The following AGAP1 variants were observed in gnomAD, a reference collection of about 807,000 sequenced individuals.
AGAP1 encodes the protein arf-GAP with GTPase, ANK repeat and PH domain-containing protein 1.
A neutral mutation model predicts 105.3 loss-of-function variants in AGAP1; 29 were observed. The observed-to-expected ratio is 0.28, with a 90% CI of 0.21 to 0.38. The LOEUF (loss-of-function observed/expected upper bound fraction) is 0.38. AGAP1 is among the 10% of genes least tolerant of loss of function. The probability of loss-of-function intolerance (pLI) is 1.00; values close to 1 mark genes in which losing one functional copy is unlikely to be tolerated. For synonymous variants in AGAP1, 509 were observed against 485.9 expected (o/e 1.05, Z -0.63); for missense variants, 998 against 1,165.1 (o/e 0.86, Z 2.09).
intron 10 of AGAP1, among the ~76,000 whole-genome samples, chr2:235,899,968 T>C (rs1330726239): frequency 6.6e-6 from 1 of 152,242 alleles, no homozygotes; most frequent in Non-Finnish European, 1.5e-5. Flanking sequence ...TTTAGAATTT[T>C]CTGCTTTTTG....
rs576197297 is a variant in AGAP1 at position 235,977,529 on chromosome 2, A to G, written c.1645+8906A>G. Among the ~76,000 whole-genome samples the G allele has an allele frequency of 5.3e-5, 8 of 152,308 alleles. No individual in the cohort carries two copies. The highest frequency in any genetic ancestry group is 8.8e-5 in the Non-Finnish European group (6 of 68,042). ...GGTATGAGAGGTCCGCATCTCATGC[A>G]CGAGGGTGTTTTTCTCGGCCTCTGC... On this transcript the variant is annotated intron_variant, in intron 13 of 17. Transcript: ENST00000304032. This position sits in a 1 kb window ranked among gnomAD's most constrained non-coding sequence, Gnocchi z 5.2.
rs2058553130 is a variant in AGAP1 at position 236,073,254 on chromosome 2, C to CA, written c.2114+23976dup. ...TCGTGAACCACCCGCCTCGGCCTCC[C>CA]AAAGTGCTGGGATTACAGATGTGAG... On this transcript the variant is annotated intron_variant, in intron 16 of 17. Transcript: ENST00000304032. The surrounding 1 kb of genome is among the most constrained non-coding windows in gnomAD (Gnocchi z 5.4). Among the ~76,000 whole-genome samples the CA allele has an allele frequency of 6.6e-6, 1 of 152,184 alleles. No individual in the cohort carries two copies. Among genetic ancestry groups the CA allele is most frequent in the African/African-American group, 2.4e-5 (1 of 41,424 alleles).
chr2:235,538,793 T>C (rs1295780167), intron 1 of AGAP1, among the ~76,000 whole-genome samples: 1 of 152,212 alleles, frequency 6.6e-6, no homozygotes, highest in Non-Finnish European at 1.5e-5. Flanking sequence ...TTTAGTATCC[T>C]GGAGCCAGGC....
At chr2:236,029,441 A>C (rs1420502191) in intron 13 of AGAP1, among the ~76,000 whole-genome samples, 1 of 138,238 alleles carries the variant, frequency 7.2e-6, no homozygotes, top group Non-Finnish European at 1.6e-5. Context: ...ACACCCAGCC[A>C]TTTTTTTTTT....
In AGAP1 at chr2:235,992,376, T is replaced by C. The variant is rs1024612887; in HGVS notation, c.1645+23753T>C. Among the ~76,000 whole-genome samples the C allele has an allele frequency of 6.3e-4, 96 of 152,288 alleles. No homozygotes were observed. Among genetic ancestry groups the C allele is most frequent in the African/African-American group, 2.2e-3 (90 of 41,574 alleles). ...ATCAGGTTGTCTACCTCCAAGACTG[T>C]TGTCAGGATTCACTCAATGAACTCC... is the stretch of plus-strand genomic sequence containing the variant. On this transcript the variant is annotated intron_variant, in intron 13 of 17. Transcript: ENST00000304032. The surrounding 1 kb of genome is among the most constrained non-coding windows in gnomAD (Gnocchi z 4.8).
rs981709412 is a variant in AGAP1 at position 235,577,766 on chromosome 2, C to T, written c.163+82917C>T. 6.6e-6 allele frequency among the ~76,000 whole-genome samples: 1 copy of T among 152,156 alleles called. No individual in the cohort carries two copies. The highest frequency in any genetic ancestry group is 2.4e-5 in the African/African-American group (1 of 41,428). ...ATTCAACACAGGCTTGTCTGCTGGCCTCCCCCGGGAGAGAGAGTAGGTTTG... is the reference window on the plus strand; with the variant it reads ...ATTCAACACAGGCTTGTCTGCTGGCTTCCCCCGGGAGAGAGAGTAGGTTTG... On this transcript the variant is annotated intron_variant, in intron 1 of 17. Transcript: ENST00000304032. The surrounding 1 kb of genome is among the most constrained non-coding windows in gnomAD (Gnocchi z 4.5).
At chr2:235,686,668 T>A (rs1177893990) in intron 1 of AGAP1, among the ~76,000 whole-genome samples, 31 of 113,082 alleles carry the variant, frequency 2.7e-4, no homozygotes, top group African/African-American at 1.2e-3. Flanking sequence ...TATATATATT[T>A]TTTTTTTTTT....
rs1295822413 is a variant in AGAP1, at chr2:236,003,064, A to G, written c.1646-33497A>G. Among the ~76,000 whole-genome samples, 1 of 152,080 alleles carries G rather than the reference A, an allele frequency of 6.6e-6. No homozygotes were observed. Among genetic ancestry groups the G allele is most frequent in the Non-Finnish European group, 1.5e-5 (1 of 68,026 alleles). On this transcript the variant is annotated intron_variant, in intron 13 of 17. Coordinates refer to ENST00000304032, the MANE Select transcript of AGAP1 (RefSeq NM_001037131.3). This position sits in a 1 kb window ranked among gnomAD's most constrained non-coding sequence, Gnocchi z 4.2. ...TCACGTATTCGCCCACTGTGTGCCA[A>G]CAGAGTCTTGATCTATTGCCCAGGC...
In AGAP1 at chr2:236,123,931, G is replaced by C. The variant is rs150374292; in HGVS notation, c.2383G>C (p.Val795Leu). 1.4e-5 allele frequency: 22 copies of C among 1,612,988 alleles called. No homozygotes were observed. The Admixed American group carries it at 3.3e-4, about 24-fold the overall frequency. ...AQLLIWYGVDVTARDAHGNTA... is the reference protein window; with the variant it reads ...AQLLIWYGVDLTARDAHGNTA... ...CTTACCTCCGCAGTACGGAGTGGAC[G>C]TCACGGCCCGAGATGCCCACGGGAA... The change falls in exon 18 of 18, where the codon GTC (valine) becomes CTC (leucine). Residue 795 changes from valine (V) to leucine (L), a missense_variant. Physicochemically the swap from Val to Leu is conservative, Grantham distance 32. Transcript: ENST00000304032. This position sits in a 1 kb window ranked among gnomAD's most constrained non-coding sequence, Gnocchi z 4.6.
intron 16 of AGAP1, among the ~76,000 whole-genome samples, chr2:236,103,373 G>T (rs1046625005): frequency 1.3e-5 from 2 of 152,084 alleles, no homozygotes; most frequent in African/African-American, 4.8e-5. Flanking sequence ...GGGGCAGCTG[G>T]GCTGGCTGGT....
rs1324607429 is a variant in AGAP1, at chr2:236,082,403, G to A, written c.2114+33122G>A. On this transcript the variant is annotated intron_variant, in intron 16 of 17. Transcript: ENST00000304032. The surrounding 1 kb of genome is among the most constrained non-coding windows in gnomAD (Gnocchi z 4.2). ...ACCAGCAGGGTCATTAATTAGGCATGTGGTGGGAGCTCACCCACCAGGTCC... is the reference window on the plus strand; with the variant it reads ...ACCAGCAGGGTCATTAATTAGGCATATGGTGGGAGCTCACCCACCAGGTCC... Among the ~76,000 whole-genome samples, 1 of 152,220 alleles carries A rather than the reference G, an allele frequency of 6.6e-6. No homozygotes were observed. The highest frequency in any genetic ancestry group is 1.5e-5 in the Non-Finnish European group (1 of 68,046).
In AGAP1 at chr2:236,082,435, G is replaced by T. The variant is rs191538081; in HGVS notation, c.2114+33154G>T. The stretch of plus-strand genomic sequence containing the variant: ...GAGCTCACCCACCAGGTCCTGCTAC[G>T]GGGCCGCTGCCCATTTGATCTCTCA... On this transcript the variant is annotated intron_variant, in intron 16 of 17. Coordinates refer to ENST00000304032, the MANE Select transcript of AGAP1 (RefSeq NM_001037131.3). This position sits in a 1 kb window ranked among gnomAD's most constrained non-coding sequence, Gnocchi z 4.2. 2.6e-5 allele frequency among the ~76,000 whole-genome samples: 4 copies of T among 152,306 alleles called. No homozygotes were observed. The Middle Eastern group carries it at 0.01, about 389-fold the overall frequency.
chr2:236,049,217 C>T lies in AGAP1; in HGVS notation c.2050C>T (p.Leu684=), dbSNP rs1171907259. 1.9e-6 allele frequency: 3 copies of T among 1,614,228 alleles called. No individual in the cohort carries two copies. The highest frequency in any genetic ancestry group is 1.6e-4 in the Middle Eastern group (1 of 6,062). ...IKVMSSIGNE[L]ANSVWEESSQ... ...GGTGATGTCATCCATCGGGAACGAG[C>T]TAGCCAACAGCGTCTGGGAAGAGAG... The change falls in exon 16 of 18, where the codon CTA becomes TTA. Residue 684 remains leucine (L), a synonymous_variant. Coordinates refer to ENST00000304032, the MANE Select transcript of AGAP1 (RefSeq NM_001037131.3).
At chr2:235,871,069 T>A (rs1191671924) in intron 9 of AGAP1, among the ~76,000 whole-genome samples, 1 of 152,158 alleles carries the variant, frequency 6.6e-6, no homozygotes, top group Non-Finnish European at 1.5e-5. Context: ...CTTAAAATAT[T>A]TGAGTTCTCA....
rs1334757335 is a variant in AGAP1, at chr2:235,866,822, CTG to C, written c.1051-16519_1051-16518del. Reference sequence around the variant, plus strand: ...TCACGTGGTCTTTCTCCGTGAGTGTCTGTGTCCTGATCTTTTCTAATAAGGAC... The same window carrying C: ...TCACGTGGTCTTTCTCCGTGAGTGTCTGTCCTGATCTTTTCTAATAAGGAC... On this transcript the variant is annotated intron_variant, in intron 9 of 17. Transcript: ENST00000304032. This position sits in a 1 kb window ranked among gnomAD's most constrained non-coding sequence, Gnocchi z 6.1. 1.3e-5 allele frequency among the ~76,000 whole-genome samples: 2 copies of C among 152,198 alleles called. No homozygotes were observed. Among genetic ancestry groups the C allele is most frequent in the Non-Finnish European group, 2.9e-5 (2 of 68,036 alleles).
intron 1 of AGAP1, among the ~76,000 whole-genome samples, chr2:235,583,873 TAA>T (rs538942191): frequency 4.3e-4 from 57 of 133,182 alleles, no homozygotes; most frequent in African/African-American, 1.1e-3. Context: ...GATCATGTCT[TAA>T]AAAAAAAAAA....
chr2:235,668,182 C>T (rs755964357), intron 1 of AGAP1, among the ~76,000 whole-genome samples: 16 of 152,032 alleles, frequency 1.1e-4, no homozygotes, highest in Non-Finnish European at 1.5e-4. Flanking sequence ...TTAAAGTATC[C>T]TTTCAAGATA....
rs778521845 is a variant in AGAP1 at position 236,120,386 on chromosome 2, G to A, written c.2309G>A (p.Arg770His). 9.9e-6 allele frequency: 16 copies of A among 1,611,344 alleles called. No homozygotes were observed. Among genetic ancestry groups the A allele is most frequent in the South Asian group, 5.5e-5 (5 of 91,004 alleles). ...VNETCGEGDGRTALHLACRKG... is the reference protein window; with the variant it reads ...VNETCGEGDGHTALHLACRKG... Reference sequence around the variant, plus strand: ...GAGACCTGCGGGGAGGGAGACGGCCGCACGGCGCTGCATCTGGCCTGCCGC... The same window carrying A: ...GAGACCTGCGGGGAGGGAGACGGCCACACGGCGCTGCATCTGGCCTGCCGC... Residue 770 changes from arginine (R) to histidine (H), a missense_variant, in exon 17 of 18, where the codon CGC becomes CAC. By Grantham distance (29) the Arg-to-His change is conservative (BLOSUM62 0). Coordinates refer to ENST00000304032, the MANE Select transcript of AGAP1 (RefSeq NM_001037131.3). This position sits in a 1 kb window ranked among gnomAD's most constrained non-coding sequence, Gnocchi z 6.0.
chr2:235,833,217 G>A (rs1959663089), intron 9 of AGAP1, among the ~76,000 whole-genome samples: 3 of 152,334 alleles, frequency 2.0e-5, no homozygotes, highest in South Asian at 4.1e-4. Flanking sequence ...TCGGCCTGCC[G>A]CCGTGCTGAG....
Sources: gnomAD v4.1 joint callset for allele counts (sites outside exome capture counted in the v4.1 genomes callset) on GRCh38, gnomAD v4.1.1 for gene constraint, Gnocchi (gnomAD v3.1) non-coding constraint, MANE v1.5 for transcripts, NCBI Gene and HGNC (gene_info 2026-07-23, HGNC 2026-07-21) for gene names.